Variants in MYO9A observed in about 807,000 individuals in gnomAD.
The protein encoded by MYO9A is myosin IXA.
Under a neutral mutation model 293.3 loss-of-function variants are expected in MYO9A, and 103 were observed. The observed-to-expected ratio is 0.35, with a 90% CI of 0.30 to 0.41. The LOEUF is 0.41. Among genes scored for constraint, MYO9A ranks in the 10% least tolerant of loss-of-function variants. The probability of loss-of-function intolerance (pLI) is 1.00; values close to 1 mark genes in which losing one functional copy is unlikely to be tolerated. For synonymous variants in MYO9A, 1,001 were observed against 1,035.7 expected (o/e 0.97, Z 0.64); for missense variants, 2,685 against 3,033.0 (o/e 0.89, Z 2.69).
intron 15 of MYO9A, among the ~76,000 whole-genome samples, chr15:71,948,297 G>C (rs2058968372): frequency 6.6e-6 from 1 of 152,100 alleles, no homozygotes; most frequent in Non-Finnish European, 1.5e-5. Flanking sequence ...ATATTTATTA[G>C]TTCTGCCTTC....
intron 34 of MYO9A, among the ~76,000 whole-genome samples, chr15:71,857,494 T>C (rs2055908236): frequency 6.6e-6 from 1 of 152,220 alleles, no homozygotes; most frequent in Non-Finnish European, 1.5e-5. Flanking sequence ...CCAGCCACTA[T>C]GCCCTTTACC....
At chr15:71,840,774 C>T (rs1463759070) in intron 39 of MYO9A, among the ~76,000 whole-genome samples, 2 of 152,062 alleles carry the variant, frequency 1.3e-5, no homozygotes, top group African/African-American at 2.4e-5. Context: ...GGACTACAGG[C>T]GCCTGCCACC....
intron 1 of MYO9A, among the ~76,000 whole-genome samples, chr15:72,054,282 G>GAAGT (rs1182998822): frequency 2.0e-5 from 3 of 151,968 alleles, no homozygotes; most frequent in Admixed American, 2.0e-4. Flanking sequence ...TTCTTGAAAA[G>GAAGT]AAGTACAAAA....
intron 40 of MYO9A, among the ~76,000 whole-genome samples, chr15:71,828,367 C>T (rs1462006379): frequency 2.6e-5 from 4 of 152,152 alleles, no homozygotes; most frequent in Non-Finnish European, 5.9e-5. Flanking sequence ...CATAATGCAT[C>T]AGGAAAGTAC....
rs1293046442 is a variant in MYO9A, at chr15:71,898,614, C to T, written c.3889G>A (p.Gly1297Ser). 9 of 1,614,094 alleles carry T rather than the reference C, an allele frequency of 5.6e-6. No individual in the cohort carries two copies. The highest frequency in any genetic ancestry group is 7.6e-6 in the Non-Finnish European group (9 of 1,180,008). The change falls in exon 25 of 42, where the codon GGT (glycine) becomes AGT (serine). Residue 1297 changes from glycine to serine, a missense_variant. Physicochemically the swap from Gly to Ser is moderately conservative, Grantham distance 56. This residue lies in a region of MYO9A where 1,434 missense variants were observed against 1,497.7 expected (regional missense o/e 0.96). Transcript: ENST00000356056. ...CTGCGATCCTCTGAAGGAGAAATAC[C>T]ACCAAGAGAACGAACTTTCAGCAAT... ...LELLKVRSLG[G>S]ISPSEDRRWS...
rs1256397987 is a variant in MYO9A at position 72,019,108 on chromosome 15, C to T, written c.1099-13G>A. The stretch of plus-strand genomic sequence containing the variant: ...GTTTCTTTGTTATCTGAAAGTAAGG[C>T]AGATTAGTTAGGTAGAAGTAATGGT... On this transcript the variant is annotated splice_polypyrimidine_tract_variant and intron_variant, in intron 5 of 41. Transcript: ENST00000356056. The T allele has an allele frequency of 5.0e-6, 8 of 1,610,330 alleles. No individual in the cohort carries two copies. The highest frequency in any genetic ancestry group is 1.1e-5 in the South Asian group (1 of 91,014).
intron 32 of MYO9A, among the ~76,000 whole-genome samples, chr15:71,870,941 A>G (rs959303239): frequency 2.0e-5 from 3 of 152,258 alleles, no homozygotes; most frequent in Non-Finnish European, 4.4e-5. Context: ...AAAGAAATAT[A>G]TCATTCAACA....
intron 2 of MYO9A, among the ~76,000 whole-genome samples, chr15:72,042,234 G>A (rs940704131): frequency 6.7e-6 from 1 of 149,236 alleles, no homozygotes; most frequent in Non-Finnish European, 1.5e-5. Context: ...GCATGATGGT[G>A]CATGCCTATA....
chr15:71,860,611 T>C (rs1331129992), intron 33 of MYO9A, among the ~76,000 whole-genome samples: 1 of 152,134 alleles, frequency 6.6e-6, no homozygotes, highest in Non-Finnish European at 1.5e-5. Context: ...AGGGAGGCCA[T>C]GTCATTGTAC....
chr15:71,876,425 ATTTTTTTTTTTTTTTT>A (rs397854202), intron 31 of MYO9A, among the ~76,000 whole-genome samples: 6 of 61,070 alleles, frequency 9.8e-5, no homozygotes, highest in Non-Finnish European at 1.4e-4. Context: ...CCTGGCTGGT[ATTTTTTTTTTTTTTTT>A]TTTTTTTTTT....
At chr15:71,951,249 C>T (rs1362074663) in intron 15 of MYO9A, among the ~76,000 whole-genome samples, 1 of 152,136 alleles carries the variant, frequency 6.6e-6, no homozygotes, top group Non-Finnish European at 1.5e-5. Context: ...AAATTTCAAG[C>T]ATAAGCAAAC....
intron 17 of MYO9A, among the ~76,000 whole-genome samples, chr15:71,934,764 C>G (rs1217125342): frequency 7.3e-6 from 1 of 137,506 alleles, no homozygotes; most frequent in Non-Finnish European, 1.5e-5. Context: ...CCACACCTGG[C>G]TAATTTTTTT....
chr15:71,828,040 T>C lies in MYO9A; in HGVS notation c.7041-14A>G, dbSNP rs1483375663. Reference sequence around the variant, plus strand: ...GTTAGCTCCTCCCTGTAAGACACAATCAAGAAACCATTAGCATTTGATAGG... The same window carrying C: ...GTTAGCTCCTCCCTGTAAGACACAACCAAGAAACCATTAGCATTTGATAGG... On this transcript the variant is annotated splice_polypyrimidine_tract_variant and intron_variant, in intron 40 of 41. Transcript: ENST00000356056. 6.2e-7 allele frequency: 1 copy of C among 1,605,704 alleles called. No individual in the cohort carries two copies. Among genetic ancestry groups the C allele is most frequent in the Admixed American group, 1.7e-5 (1 of 58,112 alleles).
At chr15:72,093,743 T>G (rs2079992083) in intron 1 of MYO9A, among the ~76,000 whole-genome samples, 1 of 89,010 alleles carries the variant, frequency 1.1e-5, no homozygotes, top group African/African-American at 2.6e-5. Context: ...AAAAATTAGC[T>G]GGGCATGACA....
chr15:71,850,109 C>T lies in MYO9A; in HGVS notation c.6640G>A (p.Ala2214Thr). 5 of 1,614,092 alleles carry T rather than the reference C, an allele frequency of 3.1e-6. No homozygotes were observed. The highest frequency in any genetic ancestry group is 4.2e-6 in the Non-Finnish European group (5 of 1,179,960). ...MSANALAIVF[A>T]PCILRCPDTT... ...TCAGGGCAGCGGAGAATGCAGGGCG[C>T]AAACACAATGGCCAAAGCATTAGCA... The change falls in exon 38 of 42, where the codon GCG becomes ACG. Residue 2214 changes from alanine (A) to threonine (T), a missense_variant. Ala to Thr is a moderately conservative substitution (Grantham distance 58). This residue lies in a region of MYO9A where 238 missense variants were observed against 269.1 expected (regional missense o/e 0.88). Coordinates refer to ENST00000356056, the MANE Select transcript of MYO9A (RefSeq NM_006901.4).
At chr15:71,867,388 T>C (rs76323603) in intron 32 of MYO9A, among the ~76,000 whole-genome samples, 48 of 152,136 alleles carry the variant, frequency 3.2e-4, no homozygotes, top group Non-Finnish European at 5.9e-4. Flanking sequence ...AAAAGAAGAT[T>C]CACAAGTTTA....
intron 18 of MYO9A, 29 bp from the exon 19 acceptor site, chr15:71,916,521 A>G (rs2058016447): frequency 8.8e-6 from 14 of 1,586,390 alleles, no homozygotes; most frequent in Non-Finnish European, 1.1e-5. Flanking sequence ...TAAATTGCTC[A>G]CATAAATTAA....
intron 39 of MYO9A, among the ~76,000 whole-genome samples, chr15:71,831,831 A>G (rs968599636): frequency 3.9e-5 from 6 of 152,210 alleles, no homozygotes; most frequent in East Asian, 1.9e-4. Flanking sequence ...AGAAACCCTA[A>G]AAGACTCCAG....
At chr15:72,029,732 T>G (rs2077803384) in intron 3 of MYO9A, among the ~76,000 whole-genome samples, 1 of 152,214 alleles carries the variant, frequency 6.6e-6, no homozygotes, top group Non-Finnish European at 1.5e-5. Flanking sequence ...TTTTTTCTCT[T>G]TATCCAGACT....
Sources: gnomAD v4.1 joint callset for allele counts (sites outside exome capture counted in the v4.1 genomes callset) on GRCh38, gnomAD v4.1.1 for gene constraint, gnomAD v4.1.1 regional missense constraint, MANE v1.5 for transcripts, NCBI Gene and HGNC (gene_info 2026-07-23, HGNC 2026-07-21) for gene names.